COMMD9: variants seen among roughly 807,000 people sequenced by gnomAD.
COMMD9 encodes the protein COMM domain-containing protein 9.
A neutral mutation model predicts 23.4 loss-of-function variants in COMMD9; 22 were observed. The ratio of observed to expected loss-of-function variants is 0.94; its 90% CI spans 0.67 to 1.34. The LOEUF is 1.34. Among genes scored for constraint, COMMD9 ranks in the 40% most tolerant of loss-of-function variants. COMMD9 has a pLI of 0.00. For synonymous variants in COMMD9, 99 were observed against 97.4 expected, an observed-to-expected ratio of 1.02 and a Z score of -0.10; for missense variants, 231 against 240.2, an observed-to-expected ratio of 0.96 and a Z score of 0.25.
chr11:36,287,105 G>A (rs11033530), intron 1 of COMMD9, among the ~76,000 whole-genome samples: 57,179 of 60,234 alleles, frequency 0.95, 27,222 homozygotes, highest in South Asian at 1. Context: ...TATGTATATC[G>A]CGTAGTATGT....
At chr11:36,276,017 T>C (rs1034443498) in intron 5 of COMMD9, 120 bp downstream of exon 5, 1 of 679,964 alleles carries the variant, frequency 1.5e-6, no homozygotes, top group African/African-American at 1.8e-5. Context: ...CAAAGGAGGA[T>C]AAAGGGGATG....
At chr11:36,279,918 C>A (rs1248032448) in intron 2 of COMMD9, among the ~76,000 whole-genome samples, 1 of 152,062 alleles carries the variant, frequency 6.6e-6, no homozygotes, top group African/African-American at 2.4e-5. Flanking sequence ...CCAGCCTGGG[C>A]AACATGGCAA....
chr11:36,282,456 A>C (rs1170036639), intron 1 of COMMD9, among the ~76,000 whole-genome samples: 1 of 152,180 alleles, frequency 6.6e-6, no homozygotes, highest in Non-Finnish European at 1.5e-5. Context: ...AGCAGATTTC[A>C]TATCAAAAAC....
chr11:36,288,451 C>T (rs1453078393), intron 1 of COMMD9, among the ~76,000 whole-genome samples: 1 of 151,856 alleles, frequency 6.6e-6, no homozygotes, highest in Non-Finnish European at 1.5e-5. Flanking sequence ...AAATAGCTAG[C>T]GACAAGTTCT....
At chr11:36,288,672 G>C (rs1189095199) in intron 1 of COMMD9, among the ~76,000 whole-genome samples, 2 of 152,032 alleles carry the variant, frequency 1.3e-5, no homozygotes, top group African/African-American at 2.4e-5. Context: ...TTGGTGGCGG[G>C]CGCCTGTAAT....
chr11:36,277,585 CT>C (rs1424636569), intron 3 of COMMD9, among the ~76,000 whole-genome samples: 1 of 152,154 alleles, frequency 6.6e-6, no homozygotes, highest in African/African-American at 2.4e-5. Context: ...CAATAAAACC[CT>C]TGGTAAATAG....
intron 1 of COMMD9, among the ~76,000 whole-genome samples, chr11:36,285,139 G>C (rs528334906): frequency 6.4e-4 from 97 of 152,054 alleles, no homozygotes; most frequent in Non-Finnish European, 1.1e-3. Context: ...GTTAAGAGGG[G>C]AGACACAAAT....
intron 1 of COMMD9, among the ~76,000 whole-genome samples, chr11:36,287,680 A>G (rs962349269): frequency 6.6e-6 from 1 of 152,092 alleles, no homozygotes; most frequent in African/African-American, 2.4e-5. Flanking sequence ...CTGCTACATA[A>G]TGGTGAGCAA....
At chr11:36,286,395 CAAA>C (rs138463305) in intron 1 of COMMD9, among the ~76,000 whole-genome samples, 2 of 76,946 alleles carry the variant, frequency 2.6e-5, no homozygotes, top group African/African-American at 1.0e-4. Context: ...ACTAAAAATA[CAAA>C]AAAAAAAAAA....
chr11:36,280,664 G>A, intron 2 of COMMD9, 48 bp downstream of exon 2: 1 of 1,512,730 alleles, frequency 6.6e-7, no homozygotes, highest in Non-Finnish European at 8.9e-7. Flanking sequence ...TCAAGAAAGA[G>A]ACTAATAAGA....
chr11:36,286,407 AAAAAAAGAAAGAAAGAAAG>A (rs1456312765), intron 1 of COMMD9, among the ~76,000 whole-genome samples: 3 of 80,624 alleles, frequency 3.7e-5, no homozygotes, highest in Non-Finnish European at 4.9e-5. Flanking sequence ...AAAAAAAAAA[AAAAAAAGAAAGAAAGAAAG>A]AAAGAAAGAA....
chr11:36,273,461 A>G lies in COMMD9; in HGVS notation c.*1171T>C, dbSNP rs1489019351. ...TAGCTCTTGTAACAAGCACATACTGATGATTAGCCTTGCTTCCTTTTTATT... is the reference window on the plus strand; with the variant it reads ...TAGCTCTTGTAACAAGCACATACTGGTGATTAGCCTTGCTTCCTTTTTATT... On this transcript the variant is annotated 3_prime_UTR_variant, in exon 6 of 6. Transcript: ENST00000263401. The G allele has an allele frequency of 1.3e-5, 2 of 152,120 alleles. No homozygotes were observed. Among genetic ancestry groups the G allele is most frequent in the Non-Finnish European group, 2.9e-5 (2 of 68,026 alleles). The allele number at this position is 152,120 out of a possible 1,614,324, so 9.4% of individuals were successfully genotyped here.
intron 4 of COMMD9, 32 bp downstream of exon 4, chr11:36,277,057 A>G (rs1855983859): frequency 1.9e-6 from 3 of 1,586,072 alleles, no homozygotes; most frequent in African/African-American, 1.4e-5. Context: ...GGAGACAAGT[A>G]AGAAGGGAGG....
intron 4 of COMMD9, 187 bp downstream of exon 4, chr11:36,276,902 A>G: frequency 2.4e-6 from 1 of 414,008 alleles, no homozygotes; most frequent in African/African-American, 2.1e-5. Flanking sequence ...ATGCCTATAT[A>G]ATAATGTTTA....
intron 1 of COMMD9, among the ~76,000 whole-genome samples, chr11:36,283,947 A>T (rs995909964): frequency 2.6e-4 from 39 of 152,266 alleles, no homozygotes; most frequent in African/African-American, 9.4e-4. Flanking sequence ...TCTACAAAAA[A>T]ATATAAAAAT....
intron 1 of COMMD9, among the ~76,000 whole-genome samples, chr11:36,285,317 G>C (rs1474954011): frequency 6.6e-6 from 1 of 152,030 alleles, no homozygotes; most frequent in Non-Finnish European, 1.5e-5. Context: ...ATATGAAATT[G>C]ATCATCTGAA....
In COMMD9 at chr11:36,274,914, C is replaced by T. The variant is rs760770003; in HGVS notation, c.457-142G>A. ...TTTCCTAAGCACTAGAGAGTACCAGCCCTTGGGTCATTTAGCAGTAAGGGA... is the reference window on the plus strand; with the variant it reads ...TTTCCTAAGCACTAGAGAGTACCAGTCCTTGGGTCATTTAGCAGTAAGGGA... On this transcript the variant is annotated intron_variant, in intron 5 of 5. Transcript: ENST00000263401. 3.4e-5 allele frequency: 34 copies of T among 994,966 alleles called. No individual in the cohort carries two copies. In the South Asian group the frequency reaches 4.8e-4, roughly 14 times the overall value. 61.6% of individuals were successfully genotyped at this position (994,966 alleles called of 1,614,324 possible). A position where few individuals can be genotyped will look rare whatever the true frequency, so the allele number is the denominator to read the frequency against.
intron 1 of COMMD9, among the ~76,000 whole-genome samples, chr11:36,288,410 T>A (rs1445760681): frequency 1.3e-5 from 2 of 150,636 alleles, no homozygotes; most frequent in African/African-American, 4.9e-5. Flanking sequence ...TGATGGATCT[T>A]ACATTCTTAT....
chr11:36,275,446 CT>C (rs11458932), intron 5 of COMMD9, among the ~76,000 whole-genome samples: 50,447 of 142,368 alleles, frequency 0.35, 9,098 homozygotes, highest in Non-Finnish European at 0.43. Context: ...CTAGTAGAAA[CT>C]TTTTTTTTTT....
Sources: allele counts gnomAD v4.1 joint callset (sites outside exome capture counted in the v4.1 genomes callset), GRCh38; gene constraint gnomAD v4.1.1; transcripts MANE v1.5; gene names NCBI Gene and HGNC (gene_info 2026-07-23, HGNC 2026-07-21).